The following AKR1C8 variants were observed in gnomAD, a reference collection of about 807,000 sequenced individuals.
AKR1C8 encodes aldo-keto reductase family 1 member C-like protein 1.
the AKR1C8 span, among the ~76,000 whole-genome samples, chr10:5,179,405 C>G: frequency 1.3e-5 from 2 of 152,136 alleles, no homozygotes; most frequent in African/African-American, 4.8e-5. Context: ...TCTGGCTGCC[C>G]TTAACATTTT....
At chr10:5,123,648 C>A in the AKR1C8 span, 3 of 1,440,498 alleles carry the variant, frequency 2.1e-6, no homozygotes, top group African/African-American at 2.8e-5. Flanking sequence ...AAAGAGAGTA[C>A]CATATAATTA....
chr10:5,137,897 G>T, the AKR1C8 span, among the ~76,000 whole-genome samples: 2 of 151,942 alleles, frequency 1.3e-5, no homozygotes, highest in African/African-American at 4.8e-5. Flanking sequence ...CAGGGAATAG[G>T]TACAAAGATC....
At chr10:5,144,219 T>C in the AKR1C8 span, among the ~76,000 whole-genome samples, 2 of 152,184 alleles carry the variant, frequency 1.3e-5, no homozygotes, top group African/African-American at 4.8e-5. Context: ...CTCTGTTCTG[T>C]TCCATTGATC....
At chr10:5,183,459 A>T in the AKR1C8 span, among the ~76,000 whole-genome samples, 2 of 152,138 alleles carry the variant, frequency 1.3e-5, no homozygotes, top group African/African-American at 4.8e-5. Flanking sequence ...TAATACATGT[A>T]CTCTAATAGC....
chr10:5,180,025 G>A, the AKR1C8 span, among the ~76,000 whole-genome samples: 19,458 of 152,198 alleles, frequency 0.13, 1,501 homozygotes, highest in Admixed American at 0.17. Flanking sequence ...GAGGAACTGC[G>A]TTCGTTTGGA....
the AKR1C8 span, among the ~76,000 whole-genome samples, chr10:5,139,320 CA>C: frequency 6.6e-6 from 1 of 152,104 alleles, no homozygotes; most frequent in Middle Eastern, 3.4e-3. Context: ...CATATGGAAC[CA>C]AAAAAGAGCC....
At chr10:5,171,077 C>T in the AKR1C8 span, among the ~76,000 whole-genome samples, 2 of 152,050 alleles carry the variant, frequency 1.3e-5, no homozygotes, top group Admixed American at 6.6e-5. Flanking sequence ...TTAATTTATG[C>T]AGCTAATTCC....
the AKR1C8 span, among the ~76,000 whole-genome samples, chr10:5,178,598 T>G: frequency 6.6e-6 from 1 of 152,202 alleles, no homozygotes; most frequent in African/African-American, 2.4e-5. Context: ...TCTCCCGTTA[T>G]TATTGTGTGG....
the AKR1C8 span, among the ~76,000 whole-genome samples, chr10:5,163,717 T>C: frequency 6.6e-6 from 1 of 152,108 alleles, no homozygotes; most frequent in South Asian, 2.1e-4. Context: ...ATAAGGAAAC[T>C]TCCACAAATC....
At chr10:5,129,062 C>G in the AKR1C8 span, among the ~76,000 whole-genome samples, 1 of 151,976 alleles carries the variant, frequency 6.6e-6, no homozygotes, top group South Asian at 2.1e-4. Context: ...TTGAGAAAAT[C>G]CAAATTACAT....
the AKR1C8 span, among the ~76,000 whole-genome samples, chr10:5,175,667 T>C: frequency 5.3e-5 from 8 of 152,182 alleles, no homozygotes; most frequent in Admixed American, 2.6e-4. Flanking sequence ...TGATTGCCAT[T>C]CTAACTGGTG....
the AKR1C8 span, chr10:5,184,999 G>T: frequency 2.4e-5 from 13 of 534,286 alleles, no homozygotes; most frequent in South Asian, 1.8e-4. Context: ...TCAGCCTCCT[G>T]GGGTCCACTT....
the AKR1C8 span, among the ~76,000 whole-genome samples, chr10:5,164,985 T>G: frequency 6.6e-6 from 1 of 152,186 alleles, no homozygotes; most frequent in African/African-American, 2.4e-5. Flanking sequence ...ATATTCTTAT[T>G]GGGTAAACTC....
chr10:5,173,463 G>A, the AKR1C8 span, among the ~76,000 whole-genome samples: 3 of 152,016 alleles, frequency 2.0e-5, no homozygotes, highest in Non-Finnish European at 4.4e-5. Flanking sequence ...AAAGGGGGCA[G>A]AGGCTTAGGA....
the AKR1C8 span, among the ~76,000 whole-genome samples, chr10:5,179,773 T>A: frequency 6.6e-6 from 1 of 152,236 alleles, no homozygotes; most frequent in African/African-American, 2.4e-5. Flanking sequence ...CATCAGCTCC[T>A]GAGGCTTCTG....
the AKR1C8 span, among the ~76,000 whole-genome samples, chr10:5,161,297 C>G: frequency 6.6e-6 from 1 of 152,050 alleles, no homozygotes; most frequent in African/African-American, 2.4e-5. Context: ...TGTGTTTAGC[C>G]CCAGTTTACG....
the AKR1C8 span, chr10:5,132,472 C>T: frequency 2.4e-6 from 2 of 818,444 alleles, no homozygotes; most frequent in Middle Eastern, 2.5e-4. Flanking sequence ...AGTTTTAATA[C>T]ATGAATATGT....
chr10:5,142,906 C>A, the AKR1C8 span, among the ~76,000 whole-genome samples: 4 of 151,966 alleles, frequency 2.6e-5, no homozygotes, highest in African/African-American at 9.7e-5. Flanking sequence ...TACAAATGTT[C>A]AATTCCTTTT....
chr10:5,174,863 T>C, the AKR1C8 span, among the ~76,000 whole-genome samples: 2 of 152,100 alleles, frequency 1.3e-5, no homozygotes, highest in Admixed American at 6.6e-5. Context: ...TGAAAAGTTA[T>C]AAAAATTTTA....
Sources: gnomAD v4.1 joint callset for allele counts (sites outside exome capture counted in the v4.1 genomes callset) on GRCh38, gnomAD v4.1.1 for gene constraint, MANE v1.5 for transcripts, NCBI Gene and HGNC (gene_info 2026-07-23, HGNC 2026-07-21) for gene names.